SELENOV: variants seen among roughly 807,000 people sequenced by gnomAD.
The protein encoded by SELENOV is selenoprotein V.
SELENOV carries 25 observed loss-of-function variants against 21.6 expected under a neutral mutation model. The observed-to-expected ratio is 1.16, with a 90% CI of 0.84 to 1.62. The LOEUF is 1.62. Ranked by LOEUF, SELENOV falls within the 40% of genes most tolerant of loss-of-function variation. The pLI is 0.00. For missense variants in SELENOV, 472 were observed against 459.0 expected (o/e 1.03, Z -0.26); for synonymous variants, 227 against 216.9 (o/e 1.05, Z -0.41).
Position 39,518,604 on chromosome 19 carries a change from C to A in SELENOV, c.810-4C>A. 1 of 1,600,914 alleles carries A rather than the reference C, an allele frequency of 6.2e-7. No individual in the cohort carries two copies. Among genetic ancestry groups the A allele is most frequent in the Non-Finnish European group, 8.5e-7 (1 of 1,172,878 alleles). ...AACTTTCTCCTCCTGCTCTTGGCCT[C>A]CAGTGGCCTCTGAAGCTATAGCCTT... On this transcript the variant is annotated splice_region_variant and splice_polypyrimidine_tract_variant and intron_variant, in intron 1 of 5. Coordinates refer to ENST00000335426, the Ensembl canonical transcript of SELENOV.
Position 39,515,539 on chromosome 19 carries a change from C to G in SELENOV, c.327C>G (p.Val109=). 6.4e-7 allele frequency: 1 copy of G among 1,550,496 alleles called. No individual in the cohort carries two copies. Among genetic ancestry groups the G allele is most frequent in the Non-Finnish European group, 8.7e-7 (1 of 1,146,890 alleles). Residue 109 remains valine (V), a synonymous_variant, in exon 1 of 6, where the codon GTC becomes GTG. Coordinates refer to ENST00000335426, the Ensembl canonical transcript of SELENOV. This position sits in a 1 kb window ranked among gnomAD's most constrained non-coding sequence, Gnocchi z 5.1. ...TTCCCGTCCGGAACCCAACTCCGGTCCCGACTCCGGCTCGGACCCTGACTC... is the reference window on the plus strand; with the variant it reads ...TTCCCGTCCGGAACCCAACTCCGGTGCCGACTCCGGCTCGGACCCTGACTC...
Position 39,518,808 on chromosome 19 carries a change from G to A in SELENOV, c.888+15G>A. ...ACCTACTCTTTGTAAGTGTGTGGGG[G>A]TCCTGGGGGAGAGGGGGGTGGTCAG... On this transcript the variant is annotated intron_variant, in intron 3 of 5. Transcript: ENST00000335426. 1 of 1,613,728 alleles carries A rather than the reference G, an allele frequency of 6.2e-7. No individual in the cohort carries two copies. Among genetic ancestry groups the A allele is most frequent in the Non-Finnish European group, 8.5e-7 (1 of 1,179,698 alleles).
intron 1 of SELENOV, among the ~76,000 whole-genome samples, chr19:39,516,869 A>T: frequency 6.7e-6 from 1 of 149,236 alleles, no homozygotes; most frequent in East Asian, 2.0e-4. Context: ...CTAATTTTGT[A>T]TTTTTTTTTA....
intron 2 of SELENOV, 51 bp from the exon 3 acceptor site, chr19:39,518,689 G>A (rs1456825277): frequency 2.6e-5 from 42 of 1,612,866 alleles, no homozygotes; most frequent in Non-Finnish European, 3.1e-5. Flanking sequence ...ACTGGGAGGA[G>A]TCCCTGTTTC....
rs903961393 is a variant in SELENOV at position 39,515,209 on chromosome 19, C to A, written c.-4C>A. On this transcript the variant is annotated 5_prime_UTR_variant, in exon 1 of 6. Transcript: ENST00000335426. The surrounding 1 kb of genome is among the most constrained non-coding windows in gnomAD (Gnocchi z 5.1). The stretch of plus-strand genomic sequence containing the variant: ...ACCGGCTTGCCCCGGTCCCCCTGGG[C>A]CCCATGAATAACCAGGCGCGGACCC... 8 of 1,535,872 alleles carry A rather than the reference C, an allele frequency of 5.2e-6. No homozygotes were observed. Among genetic ancestry groups the A allele is most frequent in the South Asian group, 1.2e-5 (1 of 83,742 alleles).
chr19:39,515,875 G>C lies in SELENOV; in HGVS notation c.663G>C (p.Ala221=), dbSNP rs183796688. 713 of 1,560,590 alleles carry C rather than the reference G, an allele frequency of 4.6e-4. 2 individuals carry two copies. In the African/African-American group the frequency reaches 8.9e-3, roughly 19 times the overall value. The stretch of plus-strand genomic sequence containing the variant: ...CAGACCCGTCGGCCATCGGGCTGGC[G>C]GATCCCCCCATTCCCAGTCCTGTCC... Residue 221 remains alanine (A), a synonymous_variant, in exon 1 of 6, where the codon GCG becomes GCC. Coordinates refer to ENST00000335426, the Ensembl canonical transcript of SELENOV. The surrounding 1 kb of genome is among the most constrained non-coding windows in gnomAD (Gnocchi z 5.1).
intron 1 of SELENOV, among the ~76,000 whole-genome samples, chr19:39,517,659 T>C (rs1334981640): frequency 6.6e-6 from 1 of 152,000 alleles, no homozygotes; most frequent in African/African-American, 2.4e-5. Context: ...AGGCAGGGCA[T>C]ACCTGGGGTA....
In SELENOV at chr19:39,515,983, C is replaced by T. The variant is rs1453044185; in HGVS notation, c.771C>T (p.Phe257=). 1 of 1,604,170 alleles carries T rather than the reference C, an allele frequency of 6.2e-7. No homozygotes were observed. The highest frequency in any genetic ancestry group is 8.5e-7 in the Non-Finnish European group (1 of 1,175,900). The stretch of plus-strand genomic sequence containing the variant: ...CCTTCCCCTCCTCCAGCGAGAACTT[C>T]GCGCTGGACAAGAGGGTCCTGATTC... The change falls in exon 1 of 6, where the codon TTC becomes TTT. Residue 257 remains phenylalanine (F), a synonymous_variant. Coordinates refer to ENST00000335426, the Ensembl canonical transcript of SELENOV. This position sits in a 1 kb window ranked among gnomAD's most constrained non-coding sequence, Gnocchi z 5.1.
At chr19:39,516,757 G>A (rs954866703) in intron 1 of SELENOV, among the ~76,000 whole-genome samples, 1 of 149,610 alleles carries the variant, frequency 6.7e-6, no homozygotes. Context: ...GTGCAATGGC[G>A]CGACCTCTGC....
At chr19:39,517,496 A>G (rs1489471697) in intron 1 of SELENOV, among the ~76,000 whole-genome samples, 1 of 152,086 alleles carries the variant, frequency 6.6e-6, no homozygotes, top group African/African-American at 2.4e-5. Flanking sequence ...AACAAAAGGC[A>G]TTTTGGGGGG....
chr19:39,515,707 C>T lies in SELENOV; in HGVS notation c.495C>T (p.Pro165=). ...CTGCTCCGGAGCTGCCTTTGTTGCC[C>T]GAGGAGGACCCTGAGCCGGCGCCGA... The change falls in exon 1 of 6, where the codon CCC becomes CCT. Residue 165 remains proline (P), a synonymous_variant. Coordinates refer to ENST00000335426, the Ensembl canonical transcript of SELENOV. This position sits in a 1 kb window ranked among gnomAD's most constrained non-coding sequence, Gnocchi z 5.1. 6.5e-7 allele frequency: 1 copy of T among 1,549,308 alleles called. No homozygotes were observed. Among genetic ancestry groups the T allele is most frequent in the Non-Finnish European group, 8.7e-7 (1 of 1,146,776 alleles).
chr19:39,518,785 C>T (rs773828056), exon 3 of SELENOV: 2 of 1,613,634 alleles, frequency 1.2e-6, no homozygotes, highest in South Asian at 2.2e-5. Flanking sequence ...TCCGAATCAC[C>T]TACTCTTTGT....
chr19:39,518,347 C>A, intron 1 of SELENOV: 1 of 535,330 alleles, frequency 1.9e-6, no homozygotes, highest in East Asian at 3.0e-5. Flanking sequence ...GCTTCTGTGG[C>A]TGGCACAGGG....
chr19:39,519,675 A>C (rs2079718636), intron 5 of SELENOV, among the ~76,000 whole-genome samples: 1 of 151,156 alleles, frequency 6.6e-6, no homozygotes, highest in Non-Finnish European at 1.5e-5. Flanking sequence ...CTACAAGAAA[A>C]AAAAAAAGTG....
chr19:39,519,173 G>T lies in SELENOV; in HGVS notation c.*22+3G>T, dbSNP rs894630082. 1 of 1,605,500 alleles carries T rather than the reference G, an allele frequency of 6.2e-7. No individual in the cohort carries two copies. The highest frequency in any genetic ancestry group is 1.1e-5 in the South Asian group (1 of 90,702). ...GCCGGCAAGGGGTGGAGCTGGAGGTGAGCGTGGAGCTCCCAAGGCTGCGGT... is the reference window on the plus strand; with the variant it reads ...GCCGGCAAGGGGTGGAGCTGGAGGTTAGCGTGGAGCTCCCAAGGCTGCGGT... On this transcript the variant is annotated splice_donor_region_variant and intron_variant, in intron 5 of 5. Coordinates refer to ENST00000335426, the Ensembl canonical transcript of SELENOV.
rs1230377280 is a variant in SELENOV, at chr19:39,515,359, C to A, written c.147C>A (p.Val49=). Residue 49 remains valine, a synonymous_variant, in exon 1 of 6, where the codon GTC becomes GTA. Transcript: ENST00000335426. This position sits in a 1 kb window ranked among gnomAD's most constrained non-coding sequence, Gnocchi z 5.1. ...CCCCCATCCGGACCCTGACTCCAGT[C>A]CTGACTCCGTCTCCAGCCGGGACTT... The A allele has an allele frequency of 6.4e-7, 1 of 1,551,456 alleles. No homozygotes were observed. The highest frequency in any genetic ancestry group is 8.7e-7 in the Non-Finnish European group (1 of 1,146,928).
rs748649352 is a variant in SELENOV, at chr19:39,515,857, G to A, written c.645G>A (p.Pro215=). Residue 215 remains proline (P), a synonymous_variant, in exon 1 of 6, where the codon CCG becomes CCA. Transcript: ENST00000335426. This position sits in a 1 kb window ranked among gnomAD's most constrained non-coding sequence, Gnocchi z 5.1. The stretch of plus-strand genomic sequence containing the variant: ...TGGACTTCACCTTCAGGGCAGACCC[G>A]TCGGCCATCGGGCTGGCGGATCCCC... 1.9e-6 allele frequency: 3 copies of A among 1,553,438 alleles called. No individual in the cohort carries two copies. Among genetic ancestry groups the A allele is most frequent in the African/African-American group, 1.4e-5 (1 of 73,150 alleles).
In SELENOV at chr19:39,516,904, G is replaced by A. The variant is rs143285724; in HGVS notation, c.809+883G>A. On this transcript the variant is annotated intron_variant, in intron 1 of 5. Coordinates refer to ENST00000335426, the Ensembl canonical transcript of SELENOV. ...AGTAGAGACGGGGTTTCACCATGTT[G>A]GCCAGGCTGGTCTCGATCTTCTGAC... 3.0e-4 allele frequency among the ~76,000 whole-genome samples: 46 copies of A among 151,846 alleles called. No homozygotes were observed. In the South Asian group the frequency reaches 8.9e-3, roughly 29 times the overall value.
At chr19:39,516,360 C>A in intron 1 of SELENOV, 6 of 452,962 alleles carry the variant, frequency 1.3e-5, no homozygotes, top group South Asian at 1.1e-4. Flanking sequence ...AAAGACACCG[C>A]ACATGATAGG....
Sources: allele counts gnomAD v4.1 joint callset (sites outside exome capture counted in the v4.1 genomes callset), GRCh38; gene constraint gnomAD v4.1.1; non-coding constraint Gnocchi (gnomAD v3.1); transcripts MANE v1.5; gene names NCBI Gene and HGNC (gene_info 2026-07-23, HGNC 2026-07-21).